RPL22: variants seen among roughly 807,000 people sequenced by gnomAD.
The protein encoded by RPL22 is ribosomal protein L22, also known as large ribosomal subunit protein eL22.
A neutral mutation model predicts 16.2 loss-of-function variants in RPL22; 4 were observed. The ratio of observed to expected loss-of-function variants is 0.25; its 90% CI spans 0.12 to 0.57. The LOEUF (loss-of-function observed/expected upper bound fraction) is 0.57, where lower values mean the gene tolerates loss of function less well. RPL22 is among the 20% of genes least tolerant of loss of function. The probability of loss-of-function intolerance (pLI) is 0.92; values close to 1 mark genes in which losing one functional copy is unlikely to be tolerated. For synonymous variants in RPL22, 43 were observed against 54.8 expected, an observed-to-expected ratio of 0.78 and a Z score of 0.95; for missense variants, 83 against 156.1, an observed-to-expected ratio of 0.53 and a Z score of 2.49.
intron 3 of RPL22, among the ~76,000 whole-genome samples, chr1:6,191,177 G>T (rs1337729223): frequency 6.6e-6 from 1 of 151,386 alleles, no homozygotes; most frequent in Non-Finnish European, 1.5e-5. Context: ...GGCCAACATG[G>T]TGAAACCCTG....
chr1:6,190,098 C>G (rs1667631116), intron 3 of RPL22, among the ~76,000 whole-genome samples: 1 of 152,140 alleles, frequency 6.6e-6, no homozygotes, highest in South Asian at 2.1e-4. Flanking sequence ...TTTGTGAAAA[C>G]GCAAGTGACG....
Position 6,185,304 on chromosome 1 carries a change from TG to T in RPL22, c.*1367del. The T allele has an allele frequency of 5.0e-6, 2 of 399,088 alleles. No individual in the cohort carries two copies. Among genetic ancestry groups the T allele is most frequent in the Non-Finnish European group, 8.8e-6 (2 of 226,076 alleles). The allele number at this position is 399,088 out of a possible 1,614,324, so 24.7% of individuals were successfully genotyped here. A position where few individuals can be genotyped will look rare whatever the true frequency, so the allele number is the denominator to read the frequency against. On this transcript the variant is annotated 3_prime_UTR_variant, in exon 4 of 4. Coordinates refer to ENST00000234875, the MANE Select transcript of RPL22 (RefSeq NM_000983.4). The stretch of plus-strand genomic sequence containing the variant: ...GTTAATAATCATGGTTAAGGGACAT[TG>T]CCAAAGAGCAACTGATGCCTCAGTG...
intron 3 of RPL22, 42 bp from the exon 4 acceptor site, chr1:6,186,858 C>T (rs1345660533): frequency 6.2e-7 from 1 of 1,603,788 alleles, no homozygotes; most frequent in African/African-American, 1.3e-5. Context: ...ACAGTTGGTG[C>T]TTGCATTCTA....
intron 2 of RPL22, among the ~76,000 whole-genome samples, chr1:6,194,934 C>T (rs1416779243): frequency 2.0e-5 from 3 of 152,020 alleles, no homozygotes; most frequent in African/African-American, 4.8e-5. Context: ...GTCAGGAGAT[C>T]GAGACCATCC....
In RPL22 at chr1:6,185,495, T is replaced by A. The variant is rs529672613; in HGVS notation, c.*1177A>T. ...CTCAATCCACAGAGCACCAAATGTT[T>A]AATGGGAGCCAAGGTAGGACTGAGC... On this transcript the variant is annotated 3_prime_UTR_variant, in exon 4 of 4. Transcript: ENST00000234875. The A allele has an allele frequency of 1.0e-5, 4 of 397,404 alleles. No individual in the cohort carries two copies. Among genetic ancestry groups the A allele is most frequent in the Non-Finnish European group, 1.8e-5 (4 of 225,416 alleles). The allele number at this position is 397,404 out of a possible 1,614,324, so 24.6% of individuals were successfully genotyped here.
intron 3 of RPL22, among the ~76,000 whole-genome samples, chr1:6,190,476 G>C (rs1425464478): frequency 6.6e-6 from 1 of 152,124 alleles, no homozygotes; most frequent in African/African-American, 2.4e-5. Context: ...CGCCTCCCTG[G>C]TTCAAGCAAT....
At chr1:6,199,229 C>T (rs373418768) in intron 1 of RPL22, 10 of 360,178 alleles carry the variant, frequency 2.8e-5, no homozygotes, top group Middle Eastern at 7.7e-4. Flanking sequence ...TCTTCCCCGC[C>T]CTCCACCCAG....
At chr1:6,195,474 G>T (rs2100906704) in intron 2 of RPL22, among the ~76,000 whole-genome samples, 1 of 150,738 alleles carries the variant, frequency 6.6e-6, no homozygotes, top group Middle Eastern at 3.4e-3. Flanking sequence ...ATTTGGCTGG[G>T]CACAGCGGTT....
intron 3 of RPL22, among the ~76,000 whole-genome samples, 179 bp from the exon 4 acceptor site, chr1:6,186,995 A>G (rs1334561426): frequency 6.6e-6 from 1 of 152,222 alleles, no homozygotes. Context: ...TCAGCCACGT[A>G]CCATCGACAT....
At chr1:6,199,446 C>A in intron 1 of RPL22, 116 bp downstream of exon 1, 3 of 1,451,112 alleles carry the variant, frequency 2.1e-6, no homozygotes, top group Non-Finnish European at 2.7e-6. Context: ...GACCTGCCAG[C>A]CCACCCCAGC....
chr1:6,188,792 A>AT (rs764758751), intron 3 of RPL22, among the ~76,000 whole-genome samples: 17,253 of 143,114 alleles, frequency 0.12, 1,488 homozygotes, highest in African/African-American at 0.24. Flanking sequence ...GATCCCTGGC[A>AT]TTTTTTTTTT....
intron 1 of RPL22, chr1:6,198,130 T>C (rs750485084): frequency 6.5e-5 from 14 of 215,804 alleles, no homozygotes; most frequent in Non-Finnish European, 9.4e-5. Context: ...AAAAAAATAC[T>C]ATTTTTCCAA....
chr1:6,192,050 A>ATT (rs780090180), intron 3 of RPL22, among the ~76,000 whole-genome samples: 1 of 146,332 alleles, frequency 6.8e-6, no homozygotes, highest in African/African-American at 2.5e-5. Flanking sequence ...ACAGGAGGCA[A>ATT]TTTTTTTTTT....
Position 6,197,690 on chromosome 1 carries a change from G to A in RPL22, c.79C>T (p.His27Tyr), listed in dbSNP as rs1222931238. Residue 27 changes from histidine (H) to tyrosine (Y), a missense_variant, in exon 2 of 4, where the codon CAC (histidine) becomes TAC (tyrosine). Transcript: ENST00000234875. ...QVLKFTLDCT[H>Y]PVEDGIMDAA... ...TCCATGATTCCATCTTCTACAGGGT[G>A]GGTGCAATCAAGAGTGAACTTCAGA... The A allele has an allele frequency of 1.9e-6, 3 of 1,613,770 alleles. No individual in the cohort carries two copies. The highest frequency in any genetic ancestry group is 2.5e-6 in the Non-Finnish European group (3 of 1,179,790).
At chr1:6,193,184 C>A (rs1192506652) in intron 2 of RPL22, 130 bp from the exon 3 acceptor site, 19 of 1,086,226 alleles carry the variant, frequency 1.7e-5, no homozygotes, top group Non-Finnish European at 2.4e-5. Context: ...CTCACCAGCG[C>A]AATCACAGCT....
In RPL22 at chr1:6,197,651, CA is replaced by C. The variant is rs771391799; in HGVS notation, c.117del (p.Phe39LeufsTer11). 6.2e-7 allele frequency: 1 copy of C among 1,603,954 alleles called. No homozygotes were observed. The highest frequency in any genetic ancestry group is 8.5e-7 in the Non-Finnish European group (1 of 1,171,706). ...VEDGIMDAAN[F>X]EQFLQERIKV... ...CGAGTGGCAATAAGGATGTAACTTA[CA>C]AAATTGGCAGCATCCATGATTCCAT... On this transcript the variant is annotated frameshift_variant and splice_region_variant, in exon 2 of 4. Coordinates refer to ENST00000234875, the MANE Select transcript of RPL22 (RefSeq NM_000983.4). LOFTEE classifies it high-confidence loss of function.
chr1:6,186,433 C>T lies in RPL22; in HGVS notation c.*239G>A, dbSNP rs1667582567. On this transcript the variant is annotated 3_prime_UTR_variant, in exon 4 of 4. Coordinates refer to ENST00000234875, the MANE Select transcript of RPL22 (RefSeq NM_000983.4). ...CCGCATCTGCCTCCCCAATGGCTGT[C>T]AGTTCGGTAAAGTCACCCTCTCCTT... The T allele has an allele frequency of 2.5e-6, 1 of 396,314 alleles. No homozygotes were observed. Among genetic ancestry groups the T allele is most frequent in the Non-Finnish European group, 4.5e-6 (1 of 220,510 alleles). The allele number at this position is 396,314 out of a possible 1,614,324, so 24.5% of individuals were successfully genotyped here. A position where few individuals can be genotyped will look rare whatever the true frequency, so the allele number is the denominator to read the frequency against.
intron 1 of RPL22, 26 bp downstream of exon 1, chr1:6,199,536 G>C (rs201655993): frequency 1.9e-6 from 3 of 1,557,174 alleles, no homozygotes; most frequent in East Asian, 2.4e-5. Context: ...CCCTGGAGCC[G>C]AGGCCTCACG....
chr1:6,186,608 A>G lies in RPL22; in HGVS notation c.*64T>C. ...CCACACTGCAGAGATACAAGGATAA[A>G]CCACCATTTTGGTTCCCAAGTTTTA... is the stretch of plus-strand genomic sequence containing the variant. On this transcript the variant is annotated 3_prime_UTR_variant, in exon 4 of 4. Transcript: ENST00000234875. The G allele has an allele frequency of 2.7e-6, 3 of 1,123,630 alleles. No homozygotes were observed. In the South Asian group the frequency reaches 4.8e-5, roughly 18 times the overall value. The allele number at this position is 1,123,630 out of a possible 1,614,324, so 69.6% of individuals were successfully genotyped here.
Sources: gnomAD v4.1 joint callset for allele counts (sites outside exome capture counted in the v4.1 genomes callset) on GRCh38, gnomAD v4.1.1 for gene constraint, MANE v1.5 for transcripts, NCBI Gene and HGNC (gene_info 2026-07-23, HGNC 2026-07-21) for gene names.